The following GPC6 variants were observed in gnomAD, a reference collection of about 807,000 sequenced individuals.
The protein encoded by GPC6 is glypican 6, also known as glypican-6.
GPC6 carries 14 observed loss-of-function variants against 55.2 expected under a neutral mutation model. The observed-to-expected ratio is 0.25, with a 90% confidence interval of 0.17 to 0.40. The LOEUF (loss-of-function observed/expected upper bound fraction) is 0.40, where lower values mean the gene tolerates loss of function less well. GPC6 is among the 10% of genes least tolerant of loss of function. The probability of loss-of-function intolerance (pLI) is 1.00; values close to 1 mark genes in which losing one functional copy is unlikely to be tolerated. For synonymous variants in GPC6, 278 were observed against 259.6 expected, an observed-to-expected ratio of 1.07 and a Z score of -0.68; for missense variants, 641 against 708.5, an observed-to-expected ratio of 0.90 and a Z score of 1.08.
chr13:93,674,675 T>G (rs1162457037), intron 2 of GPC6, among the ~76,000 whole-genome samples: 1 of 152,060 alleles, frequency 6.6e-6, no homozygotes, highest in Non-Finnish European at 1.5e-5. Context: ...GAATGAGGAG[T>G]GTTGGAGACA....
chr13:93,284,710 C>A (rs1594072935), intron 1 of GPC6, among the ~76,000 whole-genome samples: 1 of 152,150 alleles, frequency 6.6e-6, no homozygotes, highest in Admixed American at 6.5e-5. Context: ...TTTATGGCAA[C>A]AAATATTCAG....
At chr13:94,332,192 C>T (rs1215964918) in intron 6 of GPC6, among the ~76,000 whole-genome samples, 9 of 152,092 alleles carry the variant, frequency 5.9e-5, no homozygotes, top group Admixed American at 5.9e-4. Context: ...CCCCTTTTCT[C>T]ATCCTTTTTT....
At chr13:94,248,987 A>G (rs1891276982) in intron 4 of GPC6, among the ~76,000 whole-genome samples, 1 of 152,104 alleles carries the variant, frequency 6.6e-6, no homozygotes, top group South Asian at 2.1e-4. Context: ...TATTTTCCAT[A>G]TTGTCATATA....
intron 2 of GPC6, among the ~76,000 whole-genome samples, chr13:93,626,631 G>A (rs1013096363): frequency 2.6e-5 from 4 of 151,948 alleles, no homozygotes; most frequent in African/African-American, 7.2e-5. Context: ...GTGAAACCCC[G>A]TCTCTACTAA....
intron 5 of GPC6, among the ~76,000 whole-genome samples, chr13:94,286,813 A>G (rs1004737442): frequency 6.6e-6 from 1 of 152,064 alleles, no homozygotes; most frequent in East Asian, 1.9e-4. Flanking sequence ...ATGTCTGCAC[A>G]CCCTCGCCCT....
rs71126406 is a variant in GPC6, at chr13:93,640,832, GTTCC to G, written c.319+95429_319+95432del. Among the ~76,000 whole-genome samples, 105 of 120,040 alleles carry G rather than the reference GTTCC, an allele frequency of 8.7e-4. 2 individuals are homozygous for G. The highest frequency in any genetic ancestry group is 3.0e-3 in the African/African-American group (84 of 28,450). The allele number at this position is 120,040 out of a possible 152,430, so 78.8% of individuals were successfully genotyped here. On this transcript the variant is annotated intron_variant, in intron 2 of 8. Coordinates refer to ENST00000377047, the MANE Select transcript of GPC6 (RefSeq NM_005708.5). ...CCTTCCTTCTTTCCTTCCTTCCTTT[GTTCC>G]TTCCTTCCTTCCTTCCTACCTTCTC... is the stretch of plus-strand genomic sequence containing the variant.
chr13:93,659,503 A>G (rs879465908), intron 2 of GPC6, among the ~76,000 whole-genome samples: 1 of 151,988 alleles, frequency 6.6e-6, no homozygotes, highest in Admixed American at 6.6e-5. Flanking sequence ...ATATGACCTG[A>G]ACTGAATCAT....
At chr13:93,428,090 GT>G (rs1877217328) in intron 1 of GPC6, among the ~76,000 whole-genome samples, 2 of 152,050 alleles carry the variant, frequency 1.3e-5, no homozygotes, top group South Asian at 4.1e-4. Flanking sequence ...TACCATCCTA[GT>G]TTTTGGATAT....
chr13:93,559,843 A>G (rs370669876), intron 2 of GPC6, among the ~76,000 whole-genome samples: 3 of 152,346 alleles, frequency 2.0e-5, no homozygotes, highest in East Asian at 3.9e-4. Flanking sequence ...TGCAGAATGC[A>G]TCACGGGATG....
At chr13:93,391,982 C>A (rs938737627) in intron 1 of GPC6, among the ~76,000 whole-genome samples, 4 of 152,152 alleles carry the variant, frequency 2.6e-5, no homozygotes, top group Admixed American at 2.6e-4. Flanking sequence ...ACCCAGCTCT[C>A]TTACAGAAGG....
chr13:94,165,003 C>T (rs1390521697), intron 4 of GPC6, among the ~76,000 whole-genome samples: 1 of 151,462 alleles, frequency 6.6e-6, no homozygotes, highest in Non-Finnish European at 1.5e-5. Flanking sequence ...TTTTAAAGAA[C>T]TAAAAGTAGA....
chr13:93,311,694 A>G (rs1433352144), intron 1 of GPC6, among the ~76,000 whole-genome samples: 1 of 152,188 alleles, frequency 6.6e-6, no homozygotes, highest in Non-Finnish European at 1.5e-5. Flanking sequence ...AATGATATAA[A>G]TAGAGAAAGA....
intron 2 of GPC6, among the ~76,000 whole-genome samples, chr13:93,662,536 A>G (rs1880966283): frequency 6.6e-6 from 1 of 152,070 alleles, no homozygotes; most frequent in South Asian, 2.1e-4. Context: ...AGGCAGAGGC[A>G]GGAGAATCGT....
chr13:93,761,549 C>T (rs1391105498), intron 2 of GPC6, among the ~76,000 whole-genome samples: 1 of 152,088 alleles, frequency 6.6e-6, no homozygotes, highest in Non-Finnish European at 1.5e-5. Context: ...GGTCATCTTG[C>T]TCTGGTGCCC....
chr13:94,324,705 G>GTTT (rs11384642), intron 6 of GPC6, among the ~76,000 whole-genome samples: 1 of 147,754 alleles, frequency 6.8e-6, no homozygotes, highest in African/African-American at 2.5e-5. Context: ...TGGGTTTTTT[G>GTTT]TTTTTTTTTT....
At chr13:93,309,750 T>C (rs1879001133) in intron 1 of GPC6, among the ~76,000 whole-genome samples, 1 of 152,318 alleles carries the variant, frequency 6.6e-6, no homozygotes, top group South Asian at 2.1e-4. Context: ...TTGGTGATCA[T>C]GTGGGGATAT....
chr13:94,051,599 C>T (rs1268463694), intron 4 of GPC6, among the ~76,000 whole-genome samples: 2 of 152,002 alleles, frequency 1.3e-5, no homozygotes, highest in Admixed American at 6.6e-5. Context: ...AGTATAATAG[C>T]ATATATAATG....
chr13:93,974,606 A>G (rs1880436652), intron 3 of GPC6, among the ~76,000 whole-genome samples: 1 of 152,174 alleles, frequency 6.6e-6, no homozygotes, highest in South Asian at 2.1e-4. Flanking sequence ...ATTTTTTAAT[A>G]GAAAAGATAA....
intron 2 of GPC6, among the ~76,000 whole-genome samples, chr13:93,673,180 T>C (rs922020627): frequency 3.3e-5 from 5 of 151,846 alleles, no homozygotes; most frequent in Non-Finnish European, 5.9e-5. Context: ...AGAGCATGAG[T>C]CCCAGTGCCA....
Sources: allele counts gnomAD v4.1 joint callset (sites outside exome capture counted in the v4.1 genomes callset), GRCh38; gene constraint gnomAD v4.1.1; transcripts MANE v1.5; gene names NCBI Gene and HGNC (gene_info 2026-07-23, HGNC 2026-07-21).